The following MCF2L variants were observed in gnomAD, a reference collection of about 807,000 sequenced individuals.
MCF2L encodes MCF.2 cell line derived transforming sequence like.
In MCF2L, 97 loss-of-function variants were observed where a neutral mutation model predicts 153.4. The ratio of observed to expected loss-of-function variants is 0.63; its 90% CI spans 0.54 to 0.75. MCF2L has a LOEUF of 0.75. MCF2L is among the 30% of genes least tolerant of loss of function. The probability of loss-of-function intolerance (pLI) is 0.00; values close to 1 mark genes in which losing one functional copy is unlikely to be tolerated. For missense variants in MCF2L, 1,347 were observed against 1,495.2 expected (o/e 0.90, Z 1.64); for synonymous variants, 659 against 632.2 (o/e 1.04, Z -0.64).
chr13:112,963,539 C>T (rs1457223054), intron 2 of MCF2L, among the ~76,000 whole-genome samples: 1 of 152,206 alleles, frequency 6.6e-6, no homozygotes, highest in Non-Finnish European at 1.5e-5. Flanking sequence ...GGGCCACTCA[C>T]CTCCCTGCAC....
At chr13:113,009,097 A>G (rs1030545202) in intron 1 of MCF2L, 3 of 152,270 alleles carry the variant, frequency 2.0e-5, no homozygotes, top group Non-Finnish European at 4.4e-5. Flanking sequence ...GTCTCACTCC[A>G]AAGGGCGTCC....
At chr13:112,977,020 G>A (rs954893379) in intron 1 of MCF2L, among the ~76,000 whole-genome samples, 1 of 152,140 alleles carries the variant, frequency 6.6e-6, no homozygotes, top group African/African-American at 2.4e-5. Context: ...AGACACCTTC[G>A]TCTGTGCCAC....
intron 5 of MCF2L, among the ~76,000 whole-genome samples, chr13:113,062,024 A>C (rs1247239367): frequency 1.3e-5 from 2 of 149,888 alleles, no homozygotes; most frequent in African/African-American, 4.9e-5. Context: ...CTGCAGGTGC[A>C]GGGTGTTCTG....
At chr13:113,065,119 G>A in intron 7 of MCF2L, 34 bp downstream of exon 7, 1 of 1,605,220 alleles carries the variant, frequency 6.2e-7, no homozygotes, top group Non-Finnish European at 8.5e-7. Flanking sequence ...GAAGCTGTGG[G>A]GGGCTCCGGT....
At chr13:113,016,618 C>T (rs1054624953) in intron 2 of MCF2L, among the ~76,000 whole-genome samples, 10 of 142,902 alleles carry the variant, frequency 7.0e-5, no homozygotes, top group Admixed American at 4.9e-4. Context: ...GCTGCCCCCG[C>T]GTCATATGCT....
intron 25 of MCF2L, among the ~76,000 whole-genome samples, chr13:113,089,176 C>T (rs866975800): frequency 8.4e-5 from 10 of 119,680 alleles, no homozygotes; most frequent in South Asian, 3.9e-4. Flanking sequence ...CCCGCCCCCC[C>T]CCCCGCCCCC....
intron 17 of MCF2L, 25 bp from the exon 18 acceptor site, chr13:113,083,973 C>A: frequency 6.3e-7 from 1 of 1,577,196 alleles, no homozygotes; most frequent in Non-Finnish European, 8.7e-7. Flanking sequence ...GTCTTTCATA[C>A]TACTTAAAAA....
chr13:113,083,552 TC>T (rs1288023033), intron 17 of MCF2L, among the ~76,000 whole-genome samples: 1 of 152,154 alleles, frequency 6.6e-6, no homozygotes, highest in Non-Finnish European at 1.5e-5. Flanking sequence ...CAGCCGGACT[TC>T]CTCCAGGGGA....
At position 113,070,794 on chromosome 13, in the gene MCF2L, C is replaced by T. The variant is rs148798899; in HGVS notation, c.996+621C>T. ...GCCGGTGGCTCACTCATTGTGTTCC[C>T]CGGTGTGGACGGACCACAGTTCTTT... On this transcript the variant is annotated intron_variant, in intron 9 of 29. Transcript: ENST00000535094. This position sits in a 1 kb window ranked among gnomAD's most constrained non-coding sequence, Gnocchi z 5.6. 0.013 allele frequency among the ~76,000 whole-genome samples: 1,977 copies of T among 152,300 alleles called. 17 individuals are homozygous for T. The highest frequency in any genetic ancestry group is 0.054 in the Middle Eastern group (16 of 294).
intron 2 of MCF2L, among the ~76,000 whole-genome samples, chr13:112,913,598 T>TGC (rs2081258748): frequency 1.3e-5 from 2 of 152,174 alleles, no homozygotes; most frequent in Non-Finnish European, 2.9e-5. Flanking sequence ...AAATATGCGT[T>TGC]GTCTTTTCCT....
In MCF2L at chr13:112,954,645, G is replaced by A. The variant is rs79307274; in HGVS notation, c.169+52274G>A. Among the ~76,000 whole-genome samples the A allele has an allele frequency of 8.8e-4, 134 of 152,270 alleles. 1 individual carries two copies. In the East Asian group the frequency reaches 0.025, roughly 28 times the overall value. On this transcript the variant is annotated intron_variant, in intron 2 of 29. Transcript: ENST00000375608. ...CTGACTGGCTCCCGAGGGGGCATGG[G>A]TGGGCTCAGGGTGTTTTCAGCCCCA...
In MCF2L at chr13:113,088,609, C is replaced by A. The variant is rs1284376087; in HGVS notation, c.2815C>A (p.Pro939Thr). 5 of 1,608,066 alleles carry A rather than the reference C, an allele frequency of 3.1e-6. No homozygotes were observed. In the Admixed American group the frequency reaches 5.0e-5, roughly 16 times the overall value. Residue 939 changes from proline to threonine, a missense_variant, in exon 25 of 30, where the codon CCG (proline) becomes ACG (threonine). Coordinates refer to ENST00000535094, the MANE Select transcript of MCF2L (RefSeq NM_001112732.3). ...ALEQSQSLPL[P>T]APTSTSPSRG... ...GGAGCAGTCACAGAGCCTGCCCCTGCCGGCCCCGACCAGCACCAGGTGAGA... is the reference window on the plus strand; with the variant it reads ...GGAGCAGTCACAGAGCCTGCCCCTGACGGCCCCGACCAGCACCAGGTGAGA...
In MCF2L at chr13:113,094,446, C is replaced by A. The variant is rs1377006980; in HGVS notation, c.2954-68C>A. 2.6e-6 allele frequency: 4 copies of A among 1,523,272 alleles called. No individual in the cohort carries two copies. In the African/African-American group the frequency reaches 5.5e-5, roughly 21 times the overall value. 94.4% of individuals were successfully genotyped at this position (1,523,272 alleles called of 1,614,324 possible). A position where few individuals can be genotyped will look rare whatever the true frequency, so the allele number is the denominator to read the frequency against. ...GGGGGTCTGTGGGACTTAGCTGACC[C>A]CACCTCAGACAGATGCAGACAGCGG... On this transcript the variant is annotated intron_variant, in intron 26 of 29. Coordinates refer to ENST00000535094, the MANE Select transcript of MCF2L (RefSeq NM_001112732.3).
At position 112,941,055 on chromosome 13, in the gene MCF2L, G is replaced by A. The variant is rs565049230; in HGVS notation, c.169+38684G>A. On this transcript the variant is annotated intron_variant, in intron 2 of 29. Coordinates refer to the MCF2L transcript ENST00000375608. The surrounding 1 kb of genome is among the most constrained non-coding windows in gnomAD (Gnocchi z 4.9). Reference sequence around the variant, plus strand: ...GATGTGAAATCCACCTAGCAGCCCCGCTGCATCTGGCACCACCATAGGGAG... The same window carrying A: ...GATGTGAAATCCACCTAGCAGCCCCACTGCATCTGGCACCACCATAGGGAG... 2.6e-5 allele frequency among the ~76,000 whole-genome samples: 4 copies of A among 152,276 alleles called. No individual in the cohort carries two copies. Among genetic ancestry groups the A allele is most frequent in the African/African-American group, 4.8e-5 (2 of 41,556 alleles).
intron 1 of MCF2L, among the ~76,000 whole-genome samples, chr13:112,975,715 C>G (rs2082190694): frequency 6.6e-6 from 1 of 152,212 alleles, no homozygotes; most frequent in African/African-American, 2.4e-5. Context: ...CTGACGATCC[C>G]AGTAATGAAG....
At chr13:113,089,834 C>T (rs2035027257) in intron 26 of MCF2L, 106 bp downstream of exon 26, 2 of 1,611,076 alleles carry the variant, frequency 1.2e-6, no homozygotes, top group African/African-American at 1.3e-5. Context: ...TGTGAAGAAG[C>T]TTTGCAGAGC....
upstream of MCF2L, chr13:112,968,720 GGGAGGCGGCGGCCAGGCGCGGCCCCGC>G: frequency 7.2e-7 from 1 of 1,393,272 alleles, no homozygotes; most frequent in South Asian, 1.6e-5. Flanking sequence ...CGGAGGTAAA[GGGAGGCGGCGGCCAGGCGCGGCCCCGC>G]GGAGGCAGCT....
At chr13:113,041,760 TA>T (rs1209810077) in intron 3 of MCF2L, among the ~76,000 whole-genome samples, 1 of 151,546 alleles carries the variant, frequency 6.6e-6, no homozygotes, top group Non-Finnish European at 1.5e-5. Flanking sequence ...GGGCCCTGCA[TA>T]GGGGGCAAGG....
At position 113,074,696 on chromosome 13, in the gene MCF2L, T is replaced by TG; in HGVS notation, c.1116+139dup. On this transcript the variant is annotated intron_variant, in intron 10 of 29. Coordinates refer to ENST00000535094, the MANE Select transcript of MCF2L (RefSeq NM_001112732.3). The surrounding 1 kb of genome is among the most constrained non-coding windows in gnomAD (Gnocchi z 4.2). ...CAGCCCCCCGGGGATGTCCATGGGG[T>TG]GGGGGGTGCTGCTGCCTGTACCCCT... is the stretch of plus-strand genomic sequence containing the variant. The TG allele has an allele frequency of 1.5e-6, 2 of 1,337,096 alleles. No individual in the cohort carries two copies. The highest frequency in any genetic ancestry group is 2.0e-6 in the Non-Finnish European group (2 of 981,502). 82.8% of individuals were successfully genotyped at this position (1,337,096 alleles called of 1,614,324 possible). A position where few individuals can be genotyped will look rare whatever the true frequency, so the allele number is the denominator to read the frequency against.
Sources: allele counts gnomAD v4.1 joint callset (sites outside exome capture counted in the v4.1 genomes callset), GRCh38; gene constraint gnomAD v4.1.1; non-coding constraint Gnocchi (gnomAD v3.1); transcripts MANE v1.5; gene names NCBI Gene and HGNC (gene_info 2026-07-23, HGNC 2026-07-21).